The following MIPOL1 variants were observed in gnomAD, a reference collection of about 807,000 sequenced individuals.
MIPOL1 encodes the protein mirror-image polydactyly gene 1 protein.
In MIPOL1, 57 loss-of-function variants were observed where a neutral mutation model predicts 60.9. The ratio of observed to expected loss-of-function variants is 0.94; its 90% confidence interval spans 0.76 to 1.17. MIPOL1 has a LOEUF of 1.17. MIPOL1 is among the 50% of genes most tolerant of loss of function. The pLI is 0.00. For missense variants in MIPOL1, 551 were observed against 511.6 expected (o/e 1.08, Z -0.74); for synonymous variants, 179 against 168.8 (o/e 1.06, Z -0.47).
intron 10 of MIPOL1, among the ~76,000 whole-genome samples, chr14:37,397,670 C>A (rs187156574): frequency 2.0e-5 from 3 of 151,916 alleles, no homozygotes; most frequent in African/African-American, 7.3e-5. Context: ...GGGATCAGGG[C>A]GAGGTTCCCA....
Position 37,420,923 on chromosome 14 carries a change from T to G in MIPOL1, c.937-1932T>G, listed in dbSNP as rs181643551. On this transcript the variant is annotated intron_variant, in intron 10 of 12. Coordinates refer to ENST00000684589, the MANE Select transcript of MIPOL1 (RefSeq NM_001388067.1). The stretch of plus-strand genomic sequence containing the variant: ...AAATGCTGCTGGATAAGCATATATC[T>G]GATAAAGTAAGGATATCGTAAAGCC... 3.8e-4 allele frequency among the ~76,000 whole-genome samples: 58 copies of G among 152,226 alleles called. No homozygotes were observed. The East Asian group carries it at 0.01, about 27-fold the overall frequency.
chr14:37,546,808 TG>T, intron 12 of MIPOL1, 96 bp from the exon 13 acceptor site: 1 of 924,338 alleles, frequency 1.1e-6, no homozygotes, highest in South Asian at 1.5e-5. Flanking sequence ...GAGGACTGCT[TG>T]GTCACAGGCA....
intron 7 of MIPOL1, 131 bp downstream of exon 7, chr14:37,285,578 T>A: frequency 1.2e-6 from 1 of 866,096 alleles, no homozygotes; most frequent in Non-Finnish European, 1.7e-6. Flanking sequence ...GTCTCCAGTC[T>A]TTTTCTTTTT....
At chr14:37,510,831 C>T (rs1187798538) in intron 12 of MIPOL1, among the ~76,000 whole-genome samples, 1 of 152,112 alleles carries the variant, frequency 6.6e-6, no homozygotes, top group Non-Finnish European at 1.5e-5. Context: ...TCTTCCAACC[C>T]AGAGCCCAGA....
At chr14:37,420,458 G>T (rs2153548495) in intron 10 of MIPOL1, among the ~76,000 whole-genome samples, 1 of 152,162 alleles carries the variant, frequency 6.6e-6, no homozygotes, top group East Asian at 1.9e-4. Flanking sequence ...AAAATATCTT[G>T]TTTGTTAATT....
intron 11 of MIPOL1, among the ~76,000 whole-genome samples, chr14:37,445,385 A>G (rs188141645): frequency 5.2e-4 from 79 of 152,272 alleles, no homozygotes; most frequent in African/African-American, 1.7e-3. Flanking sequence ...GGACCTCTTC[A>G]AGGAGAACTA....
At chr14:37,385,134 G>T (rs1287337800) in intron 10 of MIPOL1, among the ~76,000 whole-genome samples, 4 of 152,106 alleles carry the variant, frequency 2.6e-5, no homozygotes, top group African/African-American at 9.6e-5. Flanking sequence ...TCAAACAAAA[G>T]ATTTTGCTTT....
At chr14:37,314,657 A>G (rs576574809) in intron 9 of MIPOL1, among the ~76,000 whole-genome samples, 35 of 152,246 alleles carry the variant, frequency 2.3e-4, no homozygotes, top group Non-Finnish European at 4.9e-4. Flanking sequence ...ATTTGTGCCC[A>G]TATTTTACCT....
intron 12 of MIPOL1, among the ~76,000 whole-genome samples, chr14:37,541,532 C>T (rs1449368808): frequency 6.6e-6 from 1 of 152,224 alleles, no homozygotes; most frequent in African/African-American, 2.4e-5. Flanking sequence ...CAGTGTCTAG[C>T]TTTAGCTAGA....
chr14:37,207,902 A>T (rs1183836216), intron 1 of MIPOL1, among the ~76,000 whole-genome samples: 1 of 152,182 alleles, frequency 6.6e-6, no homozygotes, highest in African/African-American at 2.4e-5. Context: ...TTAACTATAA[A>T]TCCCATACTT....
chr14:37,258,566 A>G (rs1484379054), intron 3 of MIPOL1, among the ~76,000 whole-genome samples: 1 of 152,122 alleles, frequency 6.6e-6, no homozygotes, highest in Non-Finnish European at 1.5e-5. Flanking sequence ...AGCCTAAATA[A>G]TATTTGTAGT....
At chr14:37,371,719 C>T (rs890134804) in intron 10 of MIPOL1, among the ~76,000 whole-genome samples, 17 of 152,040 alleles carry the variant, frequency 1.1e-4, no homozygotes, top group Non-Finnish European at 4.4e-5. Context: ...ATGAGAAGCT[C>T]TAAAGTTGTT....
chr14:37,372,493 C>G lies in MIPOL1; in HGVS notation c.936+2869C>G, dbSNP rs542355841. Among the ~76,000 whole-genome samples, 7 of 151,996 alleles carry G rather than the reference C, an allele frequency of 4.6e-5. No individual in the cohort carries two copies. In the East Asian group the frequency reaches 1.4e-3, roughly 29 times the overall value. The stretch of plus-strand genomic sequence containing the variant: ...TGCAGGCCAGGCGTGGTGGTTCACA[C>G]CTGTAATCCCAGCACTTAGGGAGGC... On this transcript the variant is annotated intron_variant, in intron 10 of 12. Coordinates refer to ENST00000684589, the MANE Select transcript of MIPOL1 (RefSeq NM_001388067.1).
rs143343714 is a variant in MIPOL1, at chr14:37,240,677, G to A, written c.-198-6426G>A. 1.6e-4 allele frequency: 25 copies of A among 152,182 alleles called. 2 individuals carry two copies. The highest frequency in any genetic ancestry group is 5.8e-4 in the African/African-American group (24 of 41,504). 9.4% of individuals were successfully genotyped at this position (152,182 alleles called of 1,614,324 possible). ...GATATTTTAGAAAATCCTGGTATGC[G>A]ATTACCTTCTGAAAATAATACTAGT... On this transcript the variant is annotated intron_variant, in intron 1 of 12. Coordinates refer to ENST00000684589, the MANE Select transcript of MIPOL1 (RefSeq NM_001388067.1).
intron 9 of MIPOL1, among the ~76,000 whole-genome samples, chr14:37,360,654 G>A (rs1043539205): frequency 3.3e-5 from 5 of 150,990 alleles, no homozygotes; most frequent in African/African-American, 4.9e-5. Context: ...GTGTGGGATC[G>A]GTGGTGATAT....
At chr14:37,392,237 GATTT>G (rs937670428) in intron 10 of MIPOL1, among the ~76,000 whole-genome samples, 17 of 9,516 alleles carry the variant, frequency 1.8e-3, no homozygotes, top group African/African-American at 2.5e-3. Context: ...GGTCTTCTTT[GATTT>G]ATTTAATAAA....
chr14:37,546,372 T>A (rs2095547568), intron 12 of MIPOL1, among the ~76,000 whole-genome samples: 1 of 152,200 alleles, frequency 6.6e-6, no homozygotes, highest in African/African-American at 2.4e-5. Context: ...TACTGTAACT[T>A]GAAATGTTTC....
chr14:37,451,654 G>A (rs904580292), intron 11 of MIPOL1, among the ~76,000 whole-genome samples: 2 of 151,934 alleles, frequency 1.3e-5, no homozygotes, highest in Non-Finnish European at 2.9e-5. Flanking sequence ...AAAAAGCATT[G>A]ACATCCAATT....
intron 10 of MIPOL1, among the ~76,000 whole-genome samples, chr14:37,406,290 T>G (rs141966223): frequency 1.9e-4 from 29 of 152,274 alleles, no homozygotes; most frequent in African/African-American, 7.0e-4. Context: ...GAATTGCAGA[T>G]TGCATAATTT....
Sources: allele counts gnomAD v4.1 joint callset (sites outside exome capture counted in the v4.1 genomes callset), GRCh38; gene constraint gnomAD v4.1.1; transcripts MANE v1.5; gene names NCBI Gene and HGNC (gene_info 2026-07-23, HGNC 2026-07-21).